GRM3: variants seen among roughly 807,000 people sequenced by gnomAD.
The protein encoded by GRM3 is glutamate metabotropic receptor 3.
Under a neutral mutation model 70.5 loss-of-function variants are expected in GRM3, and 26 were observed. The observed-to-expected ratio is 0.37, with a 90% CI of 0.27 to 0.51. The LOEUF (loss-of-function observed/expected upper bound fraction) is 0.51. GRM3 is among the 20% of genes least tolerant of loss of function. The pLI is 0.93. For synonymous variants in GRM3, 443 were observed against 434.9 expected (o/e 1.02, Z -0.23); for missense variants, 859 against 1,123.8 (o/e 0.76, Z 3.37).
At chr7:86,791,531 T>C (rs1403780993) in intron 3 of GRM3, among the ~76,000 whole-genome samples, 1 of 152,188 alleles carries the variant, frequency 6.6e-6, no homozygotes, top group Non-Finnish European at 1.5e-5. Flanking sequence ...ATCAGTCAGC[T>C]GGTTAGTAAC....
chr7:86,839,167 T>C lies in GRM3; in HGVS notation c.1653T>C (p.Ser551=), dbSNP rs1303457607. Residue 551 remains serine, a synonymous_variant, in exon 4 of 6, where the codon TCT becomes TCC. Transcript: ENST00000361669. The surrounding 1 kb of genome is among the most constrained non-coding windows in gnomAD (Gnocchi z 4.5). ...AGTTTACCTGTATGGATTGTGGGTC[T>C]GGACAGTGGCCCACTGCAGACCTAA... ...ADEFTCMDCG[S]GQWPTADLTG... 2 of 1,613,820 alleles carry C rather than the reference T, an allele frequency of 1.2e-6. No homozygotes were observed. The highest frequency in any genetic ancestry group is 1.7e-6 in the Non-Finnish European group (2 of 1,179,762).
At chr7:86,791,040 T>C (rs1797402952) in intron 3 of GRM3, among the ~76,000 whole-genome samples, 1 of 152,222 alleles carries the variant, frequency 6.6e-6, no homozygotes, top group Admixed American at 6.5e-5. Context: ...GAAATCATTA[T>C]CAATTTTGTT....
At chr7:86,832,789 G>A (rs1352313055) in intron 3 of GRM3, among the ~76,000 whole-genome samples, 1 of 152,106 alleles carries the variant, frequency 6.6e-6, no homozygotes, top group Non-Finnish European at 1.5e-5. Flanking sequence ...GGTCACCTTG[G>A]TATTCAAGCC....
In GRM3 at chr7:86,786,521, G is replaced by A. The variant is rs61996298; in HGVS notation, c.729G>A (p.Thr243=). 1.9e-6 allele frequency: 3 copies of A among 1,614,004 alleles called. No homozygotes were observed. Among genetic ancestry groups the A allele is most frequent in the African/African-American group, 2.7e-5 (2 of 74,940 alleles). ...EARLRNICIA[T]AEKVGRSNIR... is the part of the protein sequence containing the mutation. ...GCCTGCGCAACATCTGCATCGCTAC[G>A]GCGGAGAAGGTGGGCCGCTCCAACA... is the stretch of plus-strand genomic sequence containing the variant. Residue 243 remains threonine, a synonymous_variant, in exon 3 of 6, where the codon ACG becomes ACA. Transcript: ENST00000361669. The surrounding 1 kb of genome is among the most constrained non-coding windows in gnomAD (Gnocchi z 6.0).
At chr7:86,670,289 G>C (rs1794138445) in intron 1 of GRM3, among the ~76,000 whole-genome samples, 1 of 152,178 alleles carries the variant, frequency 6.6e-6, no homozygotes, top group African/African-American at 2.4e-5. Flanking sequence ...AAGAACTCAA[G>C]ATAAACTCAG....
intron 5 of GRM3, among the ~76,000 whole-genome samples, chr7:86,851,488 A>G (rs1385201017): frequency 6.6e-6 from 1 of 152,170 alleles, no homozygotes; most frequent in Non-Finnish European, 1.5e-5. Context: ...GGAAGAAAAG[A>G]ACTGGAACCA....
At position 86,687,461 on chromosome 7, in the gene GRM3, A is replaced by T. The variant is rs191691742; in HGVS notation, c.-141+42589A>T. Among the ~76,000 whole-genome samples the T allele has an allele frequency of 6.7e-5, 10 of 149,866 alleles. No individual in the cohort carries two copies. In the East Asian group the frequency reaches 2.0e-3, roughly 30 times the overall value. On this transcript the variant is annotated intron_variant, in intron 1 of 5. Transcript: ENST00000361669. ...AATAGGGAAACAAGACAATGGATGG[A>T]TATACTTAGATTCCTGAAAGAAAAA...
chr7:86,800,346 A>G (rs957581314), intron 3 of GRM3, among the ~76,000 whole-genome samples: 4 of 152,180 alleles, frequency 2.6e-5, no homozygotes, highest in African/African-American at 9.7e-5. Flanking sequence ...ATATCAATAA[A>G]TCCAGGAGTT....
intron 5 of GRM3, among the ~76,000 whole-genome samples, chr7:86,853,372 C>A (rs17161059): frequency 0.042 from 6,365 of 152,150 alleles, 445 homozygotes; most frequent in African/African-American, 0.14. Flanking sequence ...ATGTTACTGA[C>A]CCACTTTGGT....
At chr7:86,701,464 T>C (rs545215088) in intron 1 of GRM3, among the ~76,000 whole-genome samples, 2 of 152,036 alleles carry the variant, frequency 1.3e-5, no homozygotes, top group Non-Finnish European at 2.9e-5. Context: ...GTTTTAAAGA[T>C]TAAGGCATTT....
At chr7:86,791,536 A>T (rs2116575537) in intron 3 of GRM3, among the ~76,000 whole-genome samples, 1 of 152,254 alleles carries the variant, frequency 6.6e-6, no homozygotes, top group African/African-American at 2.4e-5. Flanking sequence ...TCAGCTGGTT[A>T]GTAACAGGGG....
At chr7:86,737,910 C>T (rs1190261758) in intron 1 of GRM3, among the ~76,000 whole-genome samples, 1 of 152,210 alleles carries the variant, frequency 6.6e-6, no homozygotes, top group Non-Finnish European at 1.5e-5. Context: ...ATGATTTTAG[C>T]ATGCCCCACT....
intron 3 of GRM3, among the ~76,000 whole-genome samples, chr7:86,823,806 A>T (rs1798176457): frequency 6.6e-6 from 1 of 152,142 alleles, no homozygotes; most frequent in Admixed American, 6.6e-5. Flanking sequence ...CTGATATGAC[A>T]GCTAGATCCC....
rs118152786 is a variant in GRM3, at chr7:86,831,647, G to T, written c.1325-7192G>T. 1.9e-3 allele frequency among the ~76,000 whole-genome samples: 296 copies of T among 152,062 alleles called. 4 individuals carry two copies. In the East Asian group the frequency reaches 0.042, roughly 22 times the overall value. The stretch of plus-strand genomic sequence containing the variant: ...TTCCTTCTTAGTCTGAGAGTAGATT[G>T]TTTCTGAGTTGCCTAGAGTATTGAC... On this transcript the variant is annotated intron_variant, in intron 3 of 5. Transcript: ENST00000361669.
At chr7:86,770,651 G>GT (rs1255898889) in intron 2 of GRM3, among the ~76,000 whole-genome samples, 2 of 152,002 alleles carry the variant, frequency 1.3e-5, no homozygotes, top group Non-Finnish European at 2.9e-5. Context: ...ATTAAGCATT[G>GT]GTTTCTTTCA....
chr7:86,698,256 G>T (rs1274153127), intron 1 of GRM3, among the ~76,000 whole-genome samples: 1 of 151,920 alleles, frequency 6.6e-6, no homozygotes, highest in Non-Finnish European at 1.5e-5. Flanking sequence ...GAACAACTGT[G>T]CCTGCAACAC....
chr7:86,690,542 A>G (rs1794672915), intron 1 of GRM3, among the ~76,000 whole-genome samples: 1 of 152,166 alleles, frequency 6.6e-6, no homozygotes, highest in Non-Finnish European at 1.5e-5. Flanking sequence ...TAAAGCAGAC[A>G]TATGTGAAAT....
intron 1 of GRM3, among the ~76,000 whole-genome samples, chr7:86,651,358 AATAG>A (rs1213409784): frequency 6.6e-6 from 1 of 152,126 alleles, no homozygotes; most frequent in Non-Finnish European, 1.5e-5. Context: ...GATTGTTAAT[AATAG>A]ATAGCAGATA....
chr7:86,832,808 A>T (rs1716765991), intron 3 of GRM3, among the ~76,000 whole-genome samples: 1 of 152,172 alleles, frequency 6.6e-6, no homozygotes, highest in African/African-American at 2.4e-5. Context: ...CCAAGTTCCC[A>T]TTCGAAACTG....
Sources: gnomAD v4.1 joint callset for allele counts (sites outside exome capture counted in the v4.1 genomes callset) on GRCh38, gnomAD v4.1.1 for gene constraint, Gnocchi (gnomAD v3.1) non-coding constraint, MANE v1.5 for transcripts, NCBI Gene and HGNC (gene_info 2026-07-23, HGNC 2026-07-21) for gene names.